SCHIP1: variants seen among roughly 807,000 people sequenced by gnomAD.
SCHIP1 encodes schwannomin interacting protein 1.
SCHIP1 carries 8 observed loss-of-function variants against 29.7 expected under a neutral mutation model. That is an observed-to-expected ratio of 0.27 (90% CI 0.16 to 0.49). The LOEUF is 0.49. Among genes scored for constraint, SCHIP1 ranks in the 20% least tolerant of loss-of-function variants. The probability of loss-of-function intolerance (pLI) is 0.99; values close to 1 mark genes in which losing one functional copy is unlikely to be tolerated. For synonymous variants in SCHIP1, 76 were observed against 94.9 expected (o/e 0.80, Z 1.16); for missense variants, 193 against 294.6 (o/e 0.66, Z 2.52).
At chr3:159,419,494 G>T in the SCHIP1 span, among the ~76,000 whole-genome samples, 2 of 152,174 alleles carry the variant, frequency 1.3e-5, no homozygotes, top group Admixed American at 1.3e-4. Flanking sequence ...CACATCTCTG[G>T]AAATAGTCTG....
chr3:159,715,244 C>T, the SCHIP1 span, among the ~76,000 whole-genome samples: 1 of 152,196 alleles, frequency 6.6e-6, no homozygotes, highest in African/African-American at 2.4e-5. Context: ...CCCATCTATA[C>T]ATCACCATCA....
the SCHIP1 span, among the ~76,000 whole-genome samples, chr3:159,385,787 G>A: frequency 1.3e-5 from 2 of 152,080 alleles, no homozygotes; most frequent in Admixed American, 1.3e-4. Flanking sequence ...ATGTGCCATG[G>A]TGGTTTGCTG....
the SCHIP1 span, among the ~76,000 whole-genome samples, chr3:159,663,207 G>T: frequency 5.3e-5 from 8 of 152,308 alleles, no homozygotes; most frequent in African/African-American, 1.9e-4. Context: ...CTTTCCTGGT[G>T]TGAGTGTAAA....
chr3:159,852,935 G>A (rs1712834845), intron 1 of SCHIP1: 1 of 154,962 alleles, frequency 6.5e-6, no homozygotes, highest in South Asian at 2.1e-4. Context: ...TCTACCCCTG[G>A]TTCAGATTGC....
At chr3:159,843,878 C>T (rs1744525305) in intron 1 of SCHIP1, among the ~76,000 whole-genome samples, 1 of 136,502 alleles carries the variant, frequency 7.3e-6, no homozygotes, top group Admixed American at 7.3e-5. Flanking sequence ...ATTTTGGTTT[C>T]TTGTTTTATG....
At chr3:159,771,060 A>G in the SCHIP1 span, among the ~76,000 whole-genome samples, 205 of 152,344 alleles carry the variant, frequency 1.3e-3, 3 homozygotes, top group Non-Finnish European at 5.4e-4. Flanking sequence ...GTTATTTCCA[A>G]AGTACTTGAA....
the SCHIP1 span, among the ~76,000 whole-genome samples, chr3:159,442,634 T>C: frequency 6.6e-6 from 1 of 152,170 alleles, no homozygotes; most frequent in Non-Finnish European, 1.5e-5. Flanking sequence ...TATCTACACT[T>C]TCAGAACTGG....
At chr3:159,417,241 G>A in the SCHIP1 span, among the ~76,000 whole-genome samples, 1 of 152,272 alleles carries the variant, frequency 6.6e-6, no homozygotes, top group African/African-American at 2.4e-5. Flanking sequence ...TGGGGTCCAA[G>A]TCATTAGCAC....
chr3:159,409,132 A>G, the SCHIP1 span, among the ~76,000 whole-genome samples: 1 of 152,218 alleles, frequency 6.6e-6, no homozygotes, highest in Non-Finnish European at 1.5e-5. Flanking sequence ...TAGAGGTAAC[A>G]TACCTCAACA....
chr3:159,741,950 G>T, the SCHIP1 span, among the ~76,000 whole-genome samples: 2 of 152,212 alleles, frequency 1.3e-5, no homozygotes, highest in Admixed American at 6.5e-5. Flanking sequence ...GAAAAAGGAG[G>T]CTGGGCACGG....
At chr3:159,771,516 GT>G in the SCHIP1 span, among the ~76,000 whole-genome samples, 3 of 152,120 alleles carry the variant, frequency 2.0e-5, no homozygotes, top group Non-Finnish European at 4.4e-5. Flanking sequence ...AATTACCAGG[GT>G]GAAATGTATT....
chr3:159,543,069 A>T, the SCHIP1 span, among the ~76,000 whole-genome samples: 1 of 149,324 alleles, frequency 6.7e-6, no homozygotes. Context: ...GTACACACAC[A>T]TATATATACA....
At chr3:159,856,792 G>T (rs1713424178) in intron 1 of SCHIP1, among the ~76,000 whole-genome samples, 1 of 152,224 alleles carries the variant, frequency 6.6e-6, no homozygotes, top group African/African-American at 2.4e-5. Flanking sequence ...AATATTTAAA[G>T]TGAAGCCACA....
the SCHIP1 span, among the ~76,000 whole-genome samples, chr3:159,602,066 T>C: frequency 1.2e-4 from 19 of 152,212 alleles, no homozygotes; most frequent in African/African-American, 4.3e-4. Flanking sequence ...CCATCTGGTA[T>C]CAGGGATTCA....
chr3:159,330,275 T>C, the SCHIP1 span, among the ~76,000 whole-genome samples: 45 of 152,292 alleles, frequency 3.0e-4, no homozygotes, highest in African/African-American at 1.0e-3. Context: ...TCCTTAGAAA[T>C]GTAATTGGAG....
the SCHIP1 span, among the ~76,000 whole-genome samples, chr3:159,495,851 C>T: frequency 1.3e-5 from 2 of 152,222 alleles, no homozygotes; most frequent in African/African-American, 4.8e-5. Context: ...TGACTTCAAA[C>T]TATACTACAA....
the SCHIP1 span, among the ~76,000 whole-genome samples, chr3:159,543,319 A>G: frequency 6.8e-6 from 1 of 146,860 alleles, no homozygotes; most frequent in Non-Finnish European, 1.5e-5. Flanking sequence ...TTAACTCGTC[A>G]TTTAGCATTA....
chr3:159,674,357 G>A, the SCHIP1 span, among the ~76,000 whole-genome samples: 2 of 152,112 alleles, frequency 1.3e-5, no homozygotes, highest in African/African-American at 4.8e-5. Context: ...GCCTGGAGAG[G>A]ACTGGCCCAG....
the SCHIP1 span, among the ~76,000 whole-genome samples, chr3:159,537,450 G>C: frequency 6.6e-6 from 1 of 152,162 alleles, no homozygotes; most frequent in East Asian, 1.9e-4. Flanking sequence ...TGATGAACCT[G>C]TTTCAATCAC....
Sources: gnomAD v4.1 joint callset for allele counts (sites outside exome capture counted in the v4.1 genomes callset) on GRCh38, gnomAD v4.1.1 for gene constraint, MANE v1.5 for transcripts, NCBI Gene and HGNC (gene_info 2026-07-23, HGNC 2026-07-21) for gene names.